Variants in TOX3 observed in about 807,000 individuals in gnomAD.
TOX3 encodes the protein CAG trinucleotide repeat-containing gene F9 protein.
In TOX3, 22 loss-of-function variants were observed where a neutral mutation model predicts 64.3. The observed-to-expected ratio is 0.34, with a 90% CI of 0.24 to 0.49. The LOEUF is 0.49. TOX3 is among the 20% of genes least tolerant of loss of function. TOX3 has a pLI of 0.99. For missense variants in TOX3, 661 were observed against 714.4 expected (o/e 0.93, Z 0.85); for synonymous variants, 291 against 273.6 (o/e 1.06, Z -0.63).
intron 1 of TOX3, among the ~76,000 whole-genome samples, chr16:52,484,717 A>G (rs1423674222): frequency 6.6e-6 from 1 of 152,188 alleles, no homozygotes; most frequent in African/African-American, 2.4e-5. Context: ...TCAAATAACT[A>G]CAGATATAAG....
intron 4 of TOX3, 129 bp downstream of exon 4, chr16:52,450,148 C>G (rs1366016754): frequency 2.6e-5 from 29 of 1,111,358 alleles, no homozygotes; most frequent in Non-Finnish European, 3.7e-5. Flanking sequence ...AAACAACAAA[C>G]CATCATACAT....
intron 1 of TOX3, among the ~76,000 whole-genome samples, chr16:52,515,872 T>C (rs1438433686): frequency 2.0e-5 from 3 of 152,250 alleles, no homozygotes; most frequent in East Asian, 3.8e-4. Context: ...GTACAAATTA[T>C]TTTATCTTTA....
intron 1 of TOX3, among the ~76,000 whole-genome samples, chr16:52,530,656 T>C (rs1962830972): frequency 6.6e-6 from 1 of 151,858 alleles, no homozygotes. Flanking sequence ...CCCCTCTTTT[T>C]TTTTTTTCTT....
intron 1 of TOX3, among the ~76,000 whole-genome samples, chr16:52,496,702 T>C (rs1420578107): frequency 6.6e-6 from 1 of 152,186 alleles, no homozygotes; most frequent in African/African-American, 2.4e-5. Flanking sequence ...AAATCAATTT[T>C]CTTTTGGACA....
At chr16:52,462,297 A>C (rs1960714989) in intron 3 of TOX3, among the ~76,000 whole-genome samples, 1 of 152,168 alleles carries the variant, frequency 6.6e-6, no homozygotes, top group South Asian at 2.1e-4. Flanking sequence ...CAGTCCGTGA[A>C]AGCATTGTTC....
intron 1 of TOX3, among the ~76,000 whole-genome samples, chr16:52,521,661 G>T (rs908604052): frequency 6.6e-6 from 1 of 152,184 alleles, no homozygotes; most frequent in East Asian, 1.9e-4. Flanking sequence ...TGATCTCTCC[G>T]ATGATCCTGG....
chr16:52,511,476 G>C (rs1165957369), intron 1 of TOX3, among the ~76,000 whole-genome samples: 3 of 152,178 alleles, frequency 2.0e-5, no homozygotes, highest in African/African-American at 7.2e-5. Context: ...CTGGACAACA[G>C]AGCAAGACTC....
intron 1 of TOX3, among the ~76,000 whole-genome samples, chr16:52,477,546 G>A (rs981242789): frequency 6.6e-5 from 10 of 152,126 alleles, no homozygotes; most frequent in African/African-American, 1.4e-4. Flanking sequence ...TTCAGAAAGC[G>A]CTTTACAGGA....
At chr16:52,505,286 T>C (rs1447066957) in intron 1 of TOX3, among the ~76,000 whole-genome samples, 2 of 152,190 alleles carry the variant, frequency 1.3e-5, no homozygotes, top group Non-Finnish European at 2.9e-5. Context: ...CGCAATCAAA[T>C]CGAATCACAT....
chr16:52,529,354 G>A (rs1962798473), intron 1 of TOX3, among the ~76,000 whole-genome samples: 1 of 152,038 alleles, frequency 6.6e-6, no homozygotes, highest in African/African-American at 2.4e-5. Context: ...GACATAGTAG[G>A]CTTTATTTTT....
At chr16:52,478,264 C>T (rs373030278) in intron 1 of TOX3, among the ~76,000 whole-genome samples, 47 of 152,288 alleles carry the variant, frequency 3.1e-4, no homozygotes, top group South Asian at 1.2e-3. Flanking sequence ...GAGCAGCTGC[C>T]ACCCACTAAG....
chr16:52,450,443 G>A lies in TOX3; in HGVS notation c.512C>T (p.Pro171Leu). Residue 171 changes from proline to leucine, a missense_variant, in exon 4 of 7, where the codon CCT (proline) becomes CTT (leucine). By Grantham distance (98) the Pro-to-Leu change is moderately conservative. Transcript: ENST00000219746. ...TDAARSGVMP[P>L]AQLTTINQSQ... ...CTGGTTGATGGTGGTGAGCTGGGCA[G>A]GAGGCATGACCCCAGAACGCGCAGC... 5 of 1,614,026 alleles carry A rather than the reference G, an allele frequency of 3.1e-6. No homozygotes were observed. The highest frequency in any genetic ancestry group is 4.2e-6 in the Non-Finnish European group (5 of 1,179,888).
intron 1 of TOX3, among the ~76,000 whole-genome samples, chr16:52,515,146 T>C (rs940325099): frequency 1.4e-5 from 2 of 142,138 alleles, no homozygotes; most frequent in African/African-American, 2.7e-5. Flanking sequence ...AGTGAATAAA[T>C]TAAGCAAATG....
intron 1 of TOX3, among the ~76,000 whole-genome samples, chr16:52,469,406 C>T (rs1960970283): frequency 6.6e-6 from 1 of 152,110 alleles, no homozygotes; most frequent in South Asian, 2.1e-4. Context: ...CATTTTGTTG[C>T]TTTAAACATT....
chr16:52,507,099 C>T (rs543925492), intron 1 of TOX3, among the ~76,000 whole-genome samples: 1 of 152,216 alleles, frequency 6.6e-6, no homozygotes, highest in Non-Finnish European at 1.5e-5. Flanking sequence ...ACATGTACAC[C>T]TAAGACCTAC....
intron 1 of TOX3, among the ~76,000 whole-genome samples, chr16:52,546,302 G>T (rs556500930): frequency 6.6e-6 from 1 of 152,104 alleles, no homozygotes. Context: ...CTGCGATCGT[G>T]TTTACTAATA....
chr16:52,439,213 C>A lies in TOX3; in HGVS notation c.*12G>T. 6.2e-7 allele frequency: 1 copy of A among 1,613,786 alleles called. No homozygotes were observed. Among genetic ancestry groups the A allele is most frequent in the Non-Finnish European group, 8.5e-7 (1 of 1,179,778 alleles). ...TCCTTGGTATACGCAAATCCGTCTG[C>A]CATATGCGTCTTCAGAAAATACTGA... is the stretch of plus-strand genomic sequence containing the variant. On this transcript the variant is annotated 3_prime_UTR_variant, in exon 7 of 7. Coordinates refer to ENST00000219746, the MANE Select transcript of TOX3 (RefSeq NM_001080430.4).
intron 1 of TOX3, among the ~76,000 whole-genome samples, chr16:52,508,214 C>T (rs1962212780): frequency 6.6e-6 from 1 of 152,152 alleles, no homozygotes; most frequent in South Asian, 2.1e-4. Context: ...AATGCAGATA[C>T]ATTCTGGGTG....
At chr16:52,500,624 T>C (rs914969997) in intron 1 of TOX3, among the ~76,000 whole-genome samples, 5 of 152,242 alleles carry the variant, frequency 3.3e-5, no homozygotes, top group Non-Finnish European at 7.3e-5. Flanking sequence ...CTTAGAATAA[T>C]GCATATGCCA....
Sources: allele counts gnomAD v4.1 joint callset (sites outside exome capture counted in the v4.1 genomes callset), GRCh38; gene constraint gnomAD v4.1.1; transcripts MANE v1.5; gene names NCBI Gene and HGNC (gene_info 2026-07-23, HGNC 2026-07-21).